DENND2B: variants seen among roughly 807,000 people sequenced by gnomAD.
The protein encoded by DENND2B is DENN domain containing 2B, also known as DENN domain-containing protein 2B.
DENND2B carries 32 observed loss-of-function variants against 116.0 expected under a neutral mutation model. The ratio of observed to expected loss-of-function variants is 0.28; its 90% CI spans 0.21 to 0.37. The LOEUF is 0.37. Among genes scored for constraint, DENND2B ranks in the 10% least tolerant of loss-of-function variants. The pLI is 1.00. For synonymous variants in DENND2B, 588 were observed against 583.9 expected (o/e 1.01, Z -0.10); for missense variants, 1,276 against 1,477.7 (o/e 0.86, Z 2.24).
At chr11:8,795,531 C>T (rs1265341248) in intron 1 of DENND2B, among the ~76,000 whole-genome samples, 2 of 152,148 alleles carry the variant, frequency 1.3e-5, no homozygotes, top group East Asian at 3.9e-4. Context: ...CACTGCTCTA[C>T]GGGCTCTAGA....
intron 1 of DENND2B, chr11:8,787,083 T>C (rs1382644237): frequency 6.6e-6 from 1 of 152,164 alleles, no homozygotes; most frequent in Non-Finnish European, 1.5e-5. Flanking sequence ...ATACAGCTAG[T>C]AAAAGGAGGA....
At position 8,796,296 on chromosome 11, in the gene DENND2B, C is replaced by T. The variant is rs553487712; in HGVS notation, c.-26+14221G>A. Among the ~76,000 whole-genome samples the T allele has an allele frequency of 2.0e-5, 3 of 152,184 alleles. No homozygotes were observed. The South Asian group carries it at 6.2e-4, about 32-fold the overall frequency. ...GTGGCTCACGCCTGTAATCCCAGCA[C>T]TTTGGGAGGCCAAGGTGGGCAGATC... On this transcript the variant is annotated intron_variant, in intron 1 of 19. Transcript: ENST00000313726.
chr11:8,864,231 A>G (rs2063502406), intron 2 of DENND2B, among the ~76,000 whole-genome samples: 1 of 151,838 alleles, frequency 6.6e-6, no homozygotes, highest in Non-Finnish European at 1.5e-5. Flanking sequence ...GGTACCCAAC[A>G]CTCATATCCA....
At chr11:8,871,400 G>A (rs535063843), upstream of DENND2B, 136 of 152,322 alleles carry the variant, frequency 8.9e-4, no homozygotes, top group African/African-American at 3.2e-3. Flanking sequence ...GAAACTTTAT[G>A]TCATTTTCTC....
chr11:8,702,588 C>G lies in DENND2B; in HGVS notation c.2704G>C (p.Val902Leu), dbSNP rs753576694. 3.1e-6 allele frequency: 5 copies of G among 1,613,040 alleles called. No homozygotes were observed. The highest frequency in any genetic ancestry group is 3.4e-6 in the Non-Finnish European group (4 of 1,180,026). The part of the protein sequence containing the change: ...SLLLERRVIF[V>L]ADKLSTLSSC... ...GGGCCCTACCTGAGCTTATCTGCCA[C>G]AAAAATGACCCGGCGCTCCAGCAGC... Residue 902 changes from valine to leucine, a missense_variant, in exon 14 of 20, where the codon GTG becomes CTG. By Grantham distance (32) the Val-to-Leu change is conservative. This residue lies in a region of DENND2B where 420 missense variants were observed against 631.1 expected (regional missense o/e 0.67). Transcript: ENST00000313726. This position sits in a 1 kb window ranked among gnomAD's most constrained non-coding sequence, Gnocchi z 4.6.
At chr11:8,902,080 C>A (rs1160787520) in intron 1 of DENND2B, among the ~76,000 whole-genome samples, 1 of 152,100 alleles carries the variant, frequency 6.6e-6, no homozygotes, top group African/African-American at 2.4e-5. Flanking sequence ...GTAATCCCAG[C>A]ATTTTGGGAG....
chr11:8,713,911 C>A, intron 8 of DENND2B, 87 bp downstream of exon 8: 1 of 1,468,180 alleles, frequency 6.8e-7, no homozygotes, highest in Non-Finnish European at 9.5e-7. Flanking sequence ...GTTAGGGACA[C>A]TGGAACCACA....
chr11:8,752,398 G>A (rs1275687179), intron 1 of DENND2B, among the ~76,000 whole-genome samples: 3 of 151,892 alleles, frequency 2.0e-5, no homozygotes, highest in Non-Finnish European at 4.4e-5. Context: ...GTTGCAGTGA[G>A]CCAAGATTGC....
chr11:8,906,509 C>CAA (rs34773959), intron 1 of DENND2B, among the ~76,000 whole-genome samples: 5 of 124,378 alleles, frequency 4.0e-5, no homozygotes, highest in Admixed American at 2.4e-4. Context: ...AAGAAGTCTT[C>CAA]AAAAAAAAAA....
At chr11:8,865,663 A>C (rs2063548954) in intron 2 of DENND2B, among the ~76,000 whole-genome samples, 1 of 151,386 alleles carries the variant, frequency 6.6e-6, no homozygotes, top group African/African-American at 2.4e-5. Flanking sequence ...AAACATTAAA[A>C]GAAAAGCTAA....
At chr11:8,842,414 C>G (rs2062656574) in intron 3 of DENND2B, among the ~76,000 whole-genome samples, 1 of 152,162 alleles carries the variant, frequency 6.6e-6, no homozygotes, top group Non-Finnish European at 1.5e-5. Context: ...TTCTCCCTCT[C>G]AAGAGTCTGG....
intron 1 of DENND2B, among the ~76,000 whole-genome samples, chr11:8,764,557 T>A (rs184786952): frequency 1.3e-5 from 2 of 152,310 alleles, no homozygotes; most frequent in African/African-American, 2.4e-5. Context: ...GAGGTTGGCA[T>A]GAGGCTCTAG....
At chr11:8,814,841 G>T (rs768207193), upstream of DENND2B, among the ~76,000 whole-genome samples, 20 of 152,088 alleles carry the variant, frequency 1.3e-4, no homozygotes, top group Non-Finnish European at 2.5e-4. Flanking sequence ...CTTCCTGTCC[G>T]ACAGGAAGAA....
chr11:8,694,484 A>G (rs1043320915), intron 19 of DENND2B: 12 of 468,220 alleles, frequency 2.6e-5, no homozygotes, highest in Non-Finnish European at 5.0e-5. Context: ...TATGGTCTAG[A>G]GGAAAGCTCA....
chr11:8,738,763 A>T (rs1330527763), intron 2 of DENND2B, among the ~76,000 whole-genome samples: 2 of 152,230 alleles, frequency 1.3e-5, no homozygotes, highest in East Asian at 3.8e-4. Context: ...ATGCAAATTC[A>T]CTGGCATTGT....
chr11:8,717,863 C>T lies in DENND2B; in HGVS notation c.1507G>A (p.Asp503Asn), dbSNP rs1193187383. Residue 503 changes from aspartate (D) to asparagine (N), a missense_variant, in exon 5 of 20, where the codon GAT becomes AAT. Physicochemically the swap from Asp to Asn is conservative, Grantham distance 23. Coordinates refer to ENST00000313726, the MANE Select transcript of DENND2B (RefSeq NM_213618.2). ...GDLPKENPYEDVDLKSRRAGR... is the reference protein window; with the variant it reads ...GDLPKENPYENVDLKSRRAGR... Reference sequence around the variant, plus strand: ...GCTCTTCGGCTCTTTAAGTCCACATCCTCATATGGATTCTCCTTGGGCAGA... The same window carrying T: ...GCTCTTCGGCTCTTTAAGTCCACATTCTCATATGGATTCTCCTTGGGCAGA... The T allele has an allele frequency of 1.2e-6, 2 of 1,612,728 alleles. No homozygotes were observed. Among genetic ancestry groups the T allele is most frequent in the Admixed American group, 1.7e-5 (1 of 59,654 alleles).
intron 1 of DENND2B, among the ~76,000 whole-genome samples, chr11:8,755,850 A>C (rs1031235533): frequency 2.0e-5 from 3 of 152,278 alleles, no homozygotes; most frequent in African/African-American, 7.2e-5. Context: ...TGATGATGAT[A>C]AAGTCAATCT....
At chr11:8,788,011 T>C (rs1593702002) in intron 1 of DENND2B, among the ~76,000 whole-genome samples, 1 of 151,968 alleles carries the variant, frequency 6.6e-6, no homozygotes, top group East Asian at 1.9e-4. Flanking sequence ...AGAAAAGGGG[T>C]CACTCTACCT....
chr11:8,774,247 A>T (rs1320278677), intron 1 of DENND2B: 2 of 985,306 alleles, frequency 2.0e-6, no homozygotes, highest in African/African-American at 1.7e-5. Flanking sequence ...TGTCTTTATG[A>T]CTAGCAGTCT....
Sources: allele counts gnomAD v4.1 joint callset (sites outside exome capture counted in the v4.1 genomes callset), GRCh38; gene constraint gnomAD v4.1.1; regional missense constraint gnomAD v4.1.1; non-coding constraint Gnocchi (gnomAD v3.1); transcripts MANE v1.5; gene names NCBI Gene and HGNC (gene_info 2026-07-23, HGNC 2026-07-21).